The following SLC39A10 variants were observed in gnomAD, a reference collection of about 807,000 sequenced individuals.
SLC39A10 encodes solute carrier family 39 member 10.
Under a neutral mutation model 65.1 loss-of-function variants are expected in SLC39A10, and 13 were observed. That is an observed-to-expected ratio of 0.20 (90% CI 0.13 to 0.32). SLC39A10 has a LOEUF of 0.32. Ranked by LOEUF, SLC39A10 falls within the 10% of genes least tolerant of loss-of-function variation. SLC39A10 has a pLI of 1.00. For missense variants in SLC39A10, 831 were observed against 1,018.4 expected (o/e 0.82, Z 2.50); for synonymous variants, 321 against 342.2 (o/e 0.94, Z 0.68).
In SLC39A10 at chr2:195,680,075, C is replaced by G. The variant is rs768236550; in HGVS notation, c.33C>G (p.Leu11=). 6.2e-7 allele frequency: 1 copy of G among 1,603,122 alleles called. No individual in the cohort carries two copies. The highest frequency in any genetic ancestry group is 8.5e-7 in the Non-Finnish European group (1 of 1,177,290). The change falls in exon 2 of 10, where the codon CTC becomes CTG. Residue 11 remains leucine, a synonymous_variant. Coordinates refer to ENST00000359634, the MANE Select transcript of SLC39A10 (RefSeq NM_020342.3). ...TACATATGCACACAAAATTTTGCCT[C>G]ATTTGTTTGCTGACATTTATTTTTC... MKVHMHTKFC[L]ICLLTFIFHH...
chr2:195,672,417 T>A (rs1689901235), intron 1 of SLC39A10, among the ~76,000 whole-genome samples: 1 of 152,112 alleles, frequency 6.6e-6, no homozygotes, highest in Non-Finnish European at 1.5e-5. Flanking sequence ...ACAGGCATGA[T>A]CCACCATACC....
upstream of SLC39A10, among the ~76,000 whole-genome samples, chr2:195,655,977 T>C (rs568781778): frequency 1.0e-3 from 156 of 152,358 alleles, no homozygotes; most frequent in Non-Finnish European, 1.8e-3. Flanking sequence ...CTCTTTTCTC[T>C]ACCTGCTCTG....
intron 3 of SLC39A10, among the ~76,000 whole-genome samples, chr2:195,703,667 T>C (rs767161873): frequency 3.3e-5 from 5 of 152,212 alleles, no homozygotes; most frequent in African/African-American, 4.8e-5. Context: ...AAGAACTCTT[T>C]TTGTGAGACA....
chr2:195,659,168 A>G lies in SLC39A10; in HGVS notation c.-12+1887A>G, dbSNP rs776589813. On this transcript the variant is annotated intron_variant, in intron 1 of 9. Transcript: ENST00000359634. The stretch of plus-strand genomic sequence containing the variant: ...CTTTTTTTACCTGTCCATATTTACA[A>G]ACATTCTGCGTTCCGTACATAGACG... 8.5e-5 allele frequency among the ~76,000 whole-genome samples: 13 copies of G among 152,332 alleles called. No individual in the cohort carries two copies. The East Asian group carries it at 1.9e-3, about 23-fold the overall frequency.
At chr2:195,731,392 C>G (rs889509979) in intron 9 of SLC39A10, among the ~76,000 whole-genome samples, 1 of 152,188 alleles carries the variant, frequency 6.6e-6, no homozygotes, top group Non-Finnish European at 1.5e-5. Context: ...TTCATATCCT[C>G]TATCCCTGCT....
chr2:195,706,543 A>G (rs941367739), intron 3 of SLC39A10, 73 bp from the exon 4 acceptor site: 6 of 1,380,154 alleles, frequency 4.3e-6, no homozygotes, highest in Non-Finnish European at 6.0e-6. Context: ...TTTATCTTAT[A>G]TTTTTATTCT....
At chr2:195,696,559 T>C (rs900902752) in intron 3 of SLC39A10, among the ~76,000 whole-genome samples, 2 of 152,100 alleles carry the variant, frequency 1.3e-5, no homozygotes, top group African/African-American at 4.8e-5. Context: ...GCATTTATAT[T>C]GTGTTAGATA....
At chr2:195,665,046 G>C (rs1027568187) in intron 1 of SLC39A10, among the ~76,000 whole-genome samples, 3 of 152,104 alleles carry the variant, frequency 2.0e-5, no homozygotes, top group African/African-American at 7.2e-5. Flanking sequence ...GTGTGAGGTC[G>C]GGCACGGTGG....
At chr2:195,627,820 A>G (rs1688505258) in intron 2 of SLC39A10, among the ~76,000 whole-genome samples, 1 of 152,194 alleles carries the variant, frequency 6.6e-6, no homozygotes, top group Non-Finnish European at 1.5e-5. Flanking sequence ...CTGAAGAGGA[A>G]AAGAAATTCC....
chr2:195,705,087 C>T (rs904760066), intron 3 of SLC39A10, among the ~76,000 whole-genome samples: 5 of 152,186 alleles, frequency 3.3e-5, no homozygotes, highest in East Asian at 1.9e-4. Context: ...TGAGCCACCA[C>T]GCCAGGCCGC....
At chr2:195,726,219 G>A (rs1202000260) in intron 8 of SLC39A10, among the ~76,000 whole-genome samples, 11 of 152,190 alleles carry the variant, frequency 7.2e-5, no homozygotes, top group Admixed American at 7.2e-4. Context: ...TTGTACCCAT[G>A]ACACCGTTGT....
upstream of SLC39A10, among the ~76,000 whole-genome samples, chr2:195,653,471 T>C (rs1689083573): frequency 6.6e-6 from 1 of 152,096 alleles, no homozygotes; most frequent in African/African-American, 2.4e-5. Flanking sequence ...ATTTTTGTTA[T>C]TTTTAGTAGA....
chr2:195,623,437 A>G (rs1162684197), intron 2 of SLC39A10, among the ~76,000 whole-genome samples: 1 of 152,186 alleles, frequency 6.6e-6, no homozygotes, highest in Non-Finnish European at 1.5e-5. Flanking sequence ...TAAATTGTTA[A>G]TGATACATTC....
chr2:195,729,110 T>C (rs756796585), intron 9 of SLC39A10, among the ~76,000 whole-genome samples: 1 of 151,974 alleles, frequency 6.6e-6, no homozygotes, highest in African/African-American at 2.4e-5. Context: ...TAGCTAGGAC[T>C]ACACATACCT....
chr2:195,681,157 AT>A (rs1690296409), intron 2 of SLC39A10, 107 bp downstream of exon 2: 1 of 1,083,184 alleles, frequency 9.2e-7, no homozygotes, highest in African/African-American at 1.6e-5. Flanking sequence ...ATTTAAACTT[AT>A]TTCCATATGT....
At chr2:195,705,049 C>T (rs1691348856) in intron 3 of SLC39A10, among the ~76,000 whole-genome samples, 1 of 152,186 alleles carries the variant, frequency 6.6e-6, no homozygotes, top group African/African-American at 2.4e-5. Context: ...CCGCCTGCCT[C>T]AGCCTCCCAA....
intron 2 of SLC39A10, among the ~76,000 whole-genome samples, chr2:195,616,814 A>G (rs1432959335): frequency 6.6e-6 from 1 of 152,104 alleles, no homozygotes; most frequent in African/African-American, 2.4e-5. Flanking sequence ...CATGTTAGCC[A>G]GGATGGTCTC....
rs1690427495 is a variant in SLC39A10 at position 195,683,895 on chromosome 2, T to C, written c.1205T>C (p.Ile402Thr). The change falls in exon 3 of 10, where the codon ATA becomes ACA. Residue 402 changes from isoleucine (I) to threonine (T), a missense_variant. Coordinates refer to ENST00000359634, the MANE Select transcript of SLC39A10 (RefSeq NM_020342.3). ...CTGGTTCCTGAAGATGAGGCAAATA[T>C]AGGGGCATCAGGTAAGAGAGATTTT... ...KNLVPEDEAN[I>T]GASAWICGII... is the part of the protein sequence containing the mutation. 1.9e-6 allele frequency: 3 copies of C among 1,611,394 alleles called. No homozygotes were observed. Among genetic ancestry groups the C allele is most frequent in the Non-Finnish European group, 1.7e-6 (2 of 1,178,634 alleles).
intron 1 of SLC39A10, among the ~76,000 whole-genome samples, chr2:195,673,460 A>G (rs1247570568): frequency 1.3e-5 from 2 of 152,216 alleles, no homozygotes; most frequent in East Asian, 3.8e-4. Flanking sequence ...GCCCAGCCCA[A>G]AGTATCATTT....
Sources: gnomAD v4.1 joint callset for allele counts (sites outside exome capture counted in the v4.1 genomes callset) on GRCh38, gnomAD v4.1.1 for gene constraint, MANE v1.5 for transcripts, NCBI Gene and HGNC (gene_info 2026-07-23, HGNC 2026-07-21) for gene names.